The following GPR137C variants were observed in gnomAD, a reference collection of about 807,000 sequenced individuals.
GPR137C encodes the protein integral membrane protein GPR137C.
A neutral mutation model predicts 43.4 loss-of-function variants in GPR137C; 27 were observed. That is an observed-to-expected ratio of 0.62 (90% CI 0.46 to 0.86). The LOEUF is 0.86. Among genes scored for constraint, GPR137C ranks in the 40% least tolerant of loss-of-function variants. The pLI is 0.00. For synonymous variants in GPR137C, 285 were observed against 226.9 expected, an observed-to-expected ratio of 1.26 and a Z score of -2.30; for missense variants, 522 against 534.6, an observed-to-expected ratio of 0.98 and a Z score of 0.23.
chr14:52,555,516 AAGCT>A (rs917468498), intron 1 of GPR137C, among the ~76,000 whole-genome samples: 1 of 152,178 alleles, frequency 6.6e-6, no homozygotes, highest in Admixed American at 6.5e-5. Flanking sequence ...AGATATATTT[AAGCT>A]CAAAATTCTG....
At chr14:52,567,654 TTTTTTTGG>T (rs2038391899) in intron 1 of GPR137C, among the ~76,000 whole-genome samples, 1 of 146,674 alleles carries the variant, frequency 6.8e-6, no homozygotes, top group South Asian at 2.2e-4. Flanking sequence ...TTGTTCTTTT[TTTTTTTGG>T]TTTTTTTTTT....
At chr14:52,565,745 A>G (rs2038359738) in intron 1 of GPR137C, among the ~76,000 whole-genome samples, 1 of 152,186 alleles carries the variant, frequency 6.6e-6, no homozygotes, top group Non-Finnish European at 1.5e-5. Context: ...AATAAAGACA[A>G]ACTTCTAAAA....
At chr14:52,573,510 G>C (rs950794706) in intron 1 of GPR137C, among the ~76,000 whole-genome samples, 10 of 152,170 alleles carry the variant, frequency 6.6e-5, no homozygotes, top group African/African-American at 2.4e-4. Context: ...TGGGAAAACT[G>C]GCTAGCCATA....
At chr14:52,584,022 T>C (rs2038681957) in intron 1 of GPR137C, among the ~76,000 whole-genome samples, 1 of 152,156 alleles carries the variant, frequency 6.6e-6, no homozygotes, top group African/African-American at 2.4e-5. Flanking sequence ...TGACTTTTAG[T>C]CACTTTATCT....
intron 3 of GPR137C, chr14:52,611,935 C>G (rs2039043323): frequency 2.3e-5 from 23 of 984,522 alleles, no homozygotes; most frequent in Non-Finnish European, 2.7e-5. Context: ...CATATTTTGA[C>G]ATAGTTTATA....
intron 3 of GPR137C, among the ~76,000 whole-genome samples, chr14:52,606,887 G>T (rs942427882): frequency 6.6e-6 from 1 of 151,696 alleles, no homozygotes; most frequent in African/African-American, 2.4e-5. Flanking sequence ...TTATTAGATT[G>T]TTTATTTGTC....
At chr14:52,612,454 CTTTTTA>C (rs2039048546) in intron 3 of GPR137C, 1 of 983,244 alleles carries the variant, frequency 1.0e-6, no homozygotes, top group Non-Finnish European at 1.2e-6. Context: ...TTTTGTTTTG[CTTTTTA>C]TTTTTAGTAA....
chr14:52,598,236 C>T (rs780446453), intron 1 of GPR137C, 36 bp from the exon 2 acceptor site: 20 of 831,398 alleles, frequency 2.4e-5, no homozygotes, highest in South Asian at 1.7e-4. Context: ...CTATATTACA[C>T]GTTTTCAAAA....
At chr14:52,558,619 C>G (rs1003219078) in intron 1 of GPR137C, among the ~76,000 whole-genome samples, 18 of 152,102 alleles carry the variant, frequency 1.2e-4, no homozygotes, top group Admixed American at 3.9e-4. Flanking sequence ...AGATAAAATT[C>G]CAAAAAACAT....
intron 1 of GPR137C, among the ~76,000 whole-genome samples, chr14:52,579,715 C>A (rs2038615971): frequency 6.6e-6 from 1 of 152,172 alleles, no homozygotes; most frequent in Non-Finnish European, 1.5e-5. Flanking sequence ...TTCCAAGAGT[C>A]CTCTCCCAGT....
chr14:52,626,494 G>T (rs540792547), intron 3 of GPR137C, among the ~76,000 whole-genome samples: 2 of 151,076 alleles, frequency 1.3e-5, no homozygotes, highest in South Asian at 4.2e-4. Flanking sequence ...AGAAGAAAAG[G>T]AAAGTACTTC....
At chr14:52,556,629 G>C (rs1464414224) in intron 1 of GPR137C, among the ~76,000 whole-genome samples, 1 of 152,016 alleles carries the variant, frequency 6.6e-6, no homozygotes, top group East Asian at 1.9e-4. Flanking sequence ...CACACTCCTG[G>C]AGTTTTACCG....
At chr14:52,611,715 G>T (rs1441149657) in intron 3 of GPR137C, 1 of 380,982 alleles carries the variant, frequency 2.6e-6, no homozygotes, top group Non-Finnish European at 3.6e-6. Context: ...ATAACTCAAG[G>T]TCTAGAGTTA....
chr14:52,581,690 A>G (rs892681925), intron 1 of GPR137C, among the ~76,000 whole-genome samples: 3 of 152,232 alleles, frequency 2.0e-5, no homozygotes, highest in Non-Finnish European at 2.9e-5. Flanking sequence ...AGCAATTGAT[A>G]TGGAAATTGG....
At chr14:52,586,438 C>T (rs2038714890) in intron 1 of GPR137C, among the ~76,000 whole-genome samples, 1 of 152,198 alleles carries the variant, frequency 6.6e-6, no homozygotes, top group Non-Finnish European at 1.5e-5. Context: ...AGTGACATAC[C>T]AGTCACTCAA....
At chr14:52,560,024 G>T (rs2038256254) in intron 1 of GPR137C, among the ~76,000 whole-genome samples, 1 of 152,072 alleles carries the variant, frequency 6.6e-6, no homozygotes, top group South Asian at 2.1e-4. Flanking sequence ...AGGTGCAGTG[G>T]CATGTGCCTG....
intron 4 of GPR137C, among the ~76,000 whole-genome samples, chr14:52,632,722 G>A (rs2039309161): frequency 6.6e-6 from 1 of 151,980 alleles, no homozygotes. Context: ...ATTTGGTTCA[G>A]GTTAACATGT....
chr14:52,577,056 G>GCACAT (rs1594786667), intron 1 of GPR137C, among the ~76,000 whole-genome samples: 1 of 151,110 alleles, frequency 6.6e-6, no homozygotes, highest in Non-Finnish European at 1.5e-5. Flanking sequence ...CAGGCGTGGT[G>GCACAT]CTGTAGTCCC....
chr14:52,596,879 A>G (rs909949243), intron 1 of GPR137C: 1 of 453,488 alleles, frequency 2.2e-6, no homozygotes, highest in African/African-American at 2.0e-5. Flanking sequence ...TCAATTGGAA[A>G]TGCAGAAATC....
Sources: allele counts gnomAD v4.1 joint callset (sites outside exome capture counted in the v4.1 genomes callset), GRCh38; gene constraint gnomAD v4.1.1; transcripts MANE v1.5; gene names NCBI Gene and HGNC (gene_info 2026-07-23, HGNC 2026-07-21).